Variants in STS observed in about 807,000 individuals in gnomAD.
STS encodes steryl-sulfatase.
A neutral mutation model predicts 26.8 loss-of-function variants in STS; 7 were observed. The observed-to-expected ratio is 0.26, with a 90% CI of 0.15 to 0.49. STS has a LOEUF of 0.49. STS is among the 20% of genes least tolerant of loss of function. The pLI is 0.98. For missense variants in STS, 434 were observed against 465.6 expected (o/e 0.93, Z 0.63); for synonymous variants, 199 against 189.4 (o/e 1.05, Z -0.42).
chrX:7,176,329 A>G (rs1261789282), intron 1 of STS, among the ~76,000 whole-genome samples: 1 of 111,566 alleles, frequency 9.0e-6, no homozygotes, highest in African/African-American at 3.3e-5. Context: ...AAGAAAGTTG[A>G]TTAGGAAAGG....
At chrX:7,319,412 A>G (rs763250855) in intron 8 of STS, among the ~76,000 whole-genome samples, 1 of 109,942 alleles carries the variant, frequency 9.1e-6, no homozygotes, top group East Asian at 2.9e-4. Flanking sequence ...TCACCTGCCT[A>G]GGCCTCTCAA....
intron 10 of STS, among the ~76,000 whole-genome samples, chrX:7,348,102 C>G (rs1243977197): frequency 1.8e-5 from 2 of 111,630 alleles, no homozygotes; most frequent in South Asian, 7.6e-4. Flanking sequence ...ATGCCACAGA[C>G]TGCAGTCGTC....
chrX:7,336,245 C>CT (rs373162769), intron 10 of STS, among the ~76,000 whole-genome samples: 4 of 103,415 alleles, frequency 3.9e-5, no homozygotes, highest in Non-Finnish European at 7.9e-5. Flanking sequence ...GACTGCCCCC[C>CT]CCACCCGCCC....
intron 7 of STS, among the ~76,000 whole-genome samples, chrX:7,299,063 ATT>A: frequency 1.3e-5 from 1 of 75,627 alleles, no homozygotes; most frequent in African/African-American, 4.7e-5. Context: ...AAATATATTT[ATT>A]TATATATAAA....
intron 8 of STS, among the ~76,000 whole-genome samples, chrX:7,322,859 C>G (rs1161809443): frequency 1.8e-5 from 2 of 112,076 alleles, no homozygotes; most frequent in Non-Finnish European, 3.8e-5. Flanking sequence ...CTGAGATTAT[C>G]TGCTGACATT....
chrX:7,291,908 C>T (rs1310542550), intron 7 of STS, among the ~76,000 whole-genome samples: 5 of 111,725 alleles, frequency 4.5e-5, no homozygotes, highest in East Asian at 5.6e-4. Context: ...ATACCTGTGC[C>T]GACAATAGCT....
At chrX:7,263,941 T>C (rs1418087460) in intron 6 of STS, among the ~76,000 whole-genome samples, 2 of 111,850 alleles carry the variant, frequency 1.8e-5, no homozygotes, top group Non-Finnish European at 3.8e-5. Flanking sequence ...GCAGCAAGTA[T>C]TAATGTAAAG....
rs138520204 is a variant in STS at position 7,292,364 on chromosome X, G to T, written c.944-12682G>T. Among the ~76,000 whole-genome samples, 566 of 112,324 alleles carry T rather than the reference G, an allele frequency of 5.0e-3. 3 individuals carry two copies. Among genetic ancestry groups the T allele is most frequent in the African/African-American group, 0.017 (539 of 30,970 alleles). On this transcript the variant is annotated intron_variant, in intron 7 of 10. Transcript: ENST00000674429. ...GCTCAGATATCGTTGGCCAAGAAGG[G>T]CTTCAGTCTATTCAGTTTGGGAGAT...
intron 7 of STS, among the ~76,000 whole-genome samples, chrX:7,299,047 A>C (rs1356511404): frequency 3.0e-4 from 13 of 43,752 alleles, no homozygotes; most frequent in Non-Finnish European, 5.8e-4. Flanking sequence ...ATATTTATAT[A>C]TAAATAAATA....
chrX:7,206,197 C>G (rs1934228393), intron 2 of STS, among the ~76,000 whole-genome samples: 1 of 112,073 alleles, frequency 8.9e-6, no homozygotes. Context: ...CTTTGGTAAT[C>G]TCTTGCTCTC....
chrX:7,318,964 A>C (rs1041901802), intron 8 of STS, among the ~76,000 whole-genome samples: 1 of 111,655 alleles, frequency 9.0e-6, no homozygotes, highest in Non-Finnish European at 1.9e-5. Flanking sequence ...GGGCCTCTGC[A>C]GGAGATTTGT....
chrX:7,230,140 G>A (rs1164769850), intron 2 of STS, among the ~76,000 whole-genome samples: 2 of 110,677 alleles, frequency 1.8e-5, no homozygotes, highest in South Asian at 3.9e-4. Context: ...CTCTCGCTTT[G>A]GCCCCCCAAA....
intron 7 of STS, among the ~76,000 whole-genome samples, chrX:7,279,279 G>GA (rs1224859237): frequency 0.036 from 1,706 of 47,156 alleles, 67 homozygotes; most frequent in African/African-American, 0.13. Context: ...ACTCCAGGAA[G>GA]AAAAAAAAAA....
intron 10 of STS, among the ~76,000 whole-genome samples, chrX:7,334,674 A>T (rs1303214070): frequency 8.9e-6 from 1 of 112,143 alleles, no homozygotes; most frequent in Admixed American, 9.4e-5. Flanking sequence ...AGAGCATTTA[A>T]ATGTTTATCT....
chrX:7,303,338 G>T (rs921835567), intron 7 of STS, among the ~76,000 whole-genome samples: 8 of 111,136 alleles, frequency 7.2e-5, no homozygotes, highest in Non-Finnish European at 1.1e-4. Flanking sequence ...TATTAGCAAC[G>T]TGAGAGCAGA....
chrX:7,282,393 G>A (rs1924911650), intron 7 of STS, among the ~76,000 whole-genome samples: 1 of 111,815 alleles, frequency 8.9e-6, no homozygotes, highest in African/African-American at 3.3e-5. Flanking sequence ...TAGAGACAAG[G>A]TCTCACTATG....
chrX:7,320,020 ATATT>A (rs1355974982), intron 8 of STS, among the ~76,000 whole-genome samples: 1 of 93,524 alleles, frequency 1.1e-5, no homozygotes, highest in Non-Finnish European at 2.1e-5. Flanking sequence ...ATATTTATAT[ATATT>A]TATATATATA....
chrX:7,163,322 CA>C (rs1442821066), intron 1 of STS, among the ~76,000 whole-genome samples: 2 of 112,285 alleles, frequency 1.8e-5, no homozygotes, highest in Non-Finnish European at 3.8e-5. Context: ...GTAGAATCAC[CA>C]AATTGGAAAC....
intron 2 of STS, among the ~76,000 whole-genome samples, chrX:7,238,087 G>A (rs1234077520): frequency 3.7e-5 from 4 of 107,688 alleles, no homozygotes; most frequent in African/African-American, 1.0e-4. Flanking sequence ...AAAGACATGA[G>A]CCCATTCTTT....
Sources: gnomAD v4.1 joint callset for allele counts (sites outside exome capture counted in the v4.1 genomes callset) on GRCh38, gnomAD v4.1.1 for gene constraint, MANE v1.5 for transcripts, NCBI Gene and HGNC (gene_info 2026-07-23, HGNC 2026-07-21) for gene names.